The following TMPRSS3 variants were observed in gnomAD, a reference collection of about 807,000 sequenced individuals.
TMPRSS3 encodes the protein transmembrane protease serine 3.
Under a neutral mutation model 59.6 loss-of-function variants are expected in TMPRSS3, and 55 were observed. The ratio of observed to expected loss-of-function variants is 0.92; its 90% CI spans 0.74 to 1.16. The LOEUF (loss-of-function observed/expected upper bound fraction) is 1.16. Ranked by LOEUF, TMPRSS3 falls within the 50% of genes most tolerant of loss-of-function variation. TMPRSS3 has a pLI of 0.00. For synonymous variants in TMPRSS3, 257 were observed against 237.7 expected (o/e 1.08, Z -0.75); for missense variants, 596 against 579.4 (o/e 1.03, Z -0.29).
chr21:42,381,927 A>C, intron 9 of TMPRSS3, 138 bp downstream of exon 9: 1 of 1,124,176 alleles, frequency 8.9e-7, no homozygotes, highest in South Asian at 1.3e-5. Flanking sequence ...TGCCAACACC[A>C]ACATGAATCA....
chr21:42,375,916 C>G (rs200812944), intron 11 of TMPRSS3, 48 bp from the exon 12 acceptor site: 8 of 1,609,114 alleles, frequency 5.0e-6, no homozygotes, highest in Middle Eastern at 1.7e-4. Flanking sequence ...CACCGCCATG[C>G]GAGATTGCTT....
chr21:42,375,648 G>T, intron 12 of TMPRSS3, 68 bp downstream of exon 12: 1 of 1,601,166 alleles, frequency 6.2e-7, no homozygotes, highest in Non-Finnish European at 8.6e-7. Context: ...CAAGACCAGG[G>T]TTGCATTTAA....
At chr21:42,378,936 G>C in intron 10 of TMPRSS3, among the ~76,000 whole-genome samples, 1 of 152,068 alleles carries the variant, frequency 6.6e-6, no homozygotes, top group East Asian at 1.9e-4. Context: ...CCAAGCTGGA[G>C]TGGAGTGGCA....
In TMPRSS3 at chr21:42,388,114, T is replaced by G. The variant is rs2052665535; in HGVS notation, c.446+289A>C. Reference sequence around the variant, plus strand: ...AGGGTTTTTTGGTTTTGTTTTTGTTTTCTACTTTGAAACTTTTTATTGCAT... The same window carrying G: ...AGGGTTTTTTGGTTTTGTTTTTGTTGTCTACTTTGAAACTTTTTATTGCAT... On this transcript the variant is annotated intron_variant, in intron 5 of 12. Transcript: ENST00000644384. This position sits in a 1 kb window ranked among gnomAD's most constrained non-coding sequence, Gnocchi z 5.1. Among the ~76,000 whole-genome samples, 1 of 152,186 alleles carries G rather than the reference T, an allele frequency of 6.6e-6. No individual in the cohort carries two copies. The highest frequency in any genetic ancestry group is 1.5e-5 in the Non-Finnish European group (1 of 68,038).
intron 1 of TMPRSS3, 47 bp downstream of exon 1, chr21:42,395,895 G>A (rs767616003): frequency 2.0e-6 from 1 of 511,714 alleles, no homozygotes; most frequent in African/African-American, 1.9e-5. Context: ...TTCTTTCCCT[G>A]TGCGTGTGGT....
chr21:42,383,883 C>T (rs1260654379), intron 7 of TMPRSS3, 87 bp downstream of exon 7: 2 of 1,415,682 alleles, frequency 1.4e-6, no homozygotes, highest in African/African-American at 1.4e-5. Flanking sequence ...TACAGAGCCC[C>T]ATGGGGGGAG....
In TMPRSS3 at chr21:42,388,535, T is replaced by C. The variant is rs781683233; in HGVS notation, c.323-9A>G. On this transcript the variant is annotated splice_polypyrimidine_tract_variant and intron_variant, in intron 4 of 12. Transcript: ENST00000644384. The surrounding 1 kb of genome is among the most constrained non-coding windows in gnomAD (Gnocchi z 5.1). ...CTGACCACCCACCCGGACTGGCCGA[T>C]GTGCAGAAAGAAAGGCTTATTAGTG... The C allele has an allele frequency of 4.0e-5, 65 of 1,614,054 alleles. 1 individual carries two copies. In the Middle Eastern group the frequency reaches 9.9e-4, roughly 24 times the overall value.
intron 12 of TMPRSS3, among the ~76,000 whole-genome samples, chr21:42,375,051 C>T (rs1758085061): frequency 6.6e-6 from 1 of 152,048 alleles, no homozygotes; most frequent in Non-Finnish European, 1.5e-5. Flanking sequence ...ATGAGAAAGG[C>T]GCCGTGTTCA....
At chr21:42,377,773 C>T (rs2052455605) in intron 10 of TMPRSS3, among the ~76,000 whole-genome samples, 1 of 152,228 alleles carries the variant, frequency 6.6e-6, no homozygotes, top group African/African-American at 2.4e-5. Context: ...TCACAAGACA[C>T]TCAGCTTCCT....
intron 9 of TMPRSS3, 56 bp from the exon 10 acceptor site, chr21:42,380,268 C>T (rs1274260929): frequency 2.1e-6 from 3 of 1,428,702 alleles, no homozygotes; most frequent in African/African-American, 1.4e-5. Context: ...TCCGAGAAAA[C>T]AATCTCATCT....
intron 12 of TMPRSS3, among the ~76,000 whole-genome samples, chr21:42,374,703 T>C (rs563634929): frequency 4.9e-4 from 74 of 152,148 alleles, no homozygotes; most frequent in African/African-American, 1.7e-3. Context: ...TGCTACAGGG[T>C]TGTTCACTTT....
intron 3 of TMPRSS3, 121 bp from the exon 4 acceptor site, chr21:42,389,166 T>C (rs1049310251): frequency 1.3e-6 from 2 of 1,538,522 alleles, no homozygotes; most frequent in Admixed American, 1.9e-5. Flanking sequence ...GTATTGAAAT[T>C]GCGTCCCTGT....
intron 7 of TMPRSS3, 189 bp downstream of exon 7, chr21:42,383,781 C>G (rs745621723): frequency 2.8e-6 from 2 of 726,966 alleles, no homozygotes; most frequent in African/African-American, 3.5e-5. Flanking sequence ...CCCCACCTGA[C>G]AGGTGAGGCC....
At position 42,389,048 on chromosome 21, in the gene TMPRSS3, G is replaced by A. The variant is rs773616107; in HGVS notation, c.206-3C>T. 1 of 1,614,078 alleles carries A rather than the reference G, an allele frequency of 6.2e-7. No homozygotes were observed. The highest frequency in any genetic ancestry group is 8.5e-7 in the Non-Finnish European group (1 of 1,180,008). On this transcript the variant is annotated splice_region_variant and splice_polypyrimidine_tract_variant and intron_variant, in intron 3 of 12. Coordinates refer to ENST00000644384, the MANE Select transcript of TMPRSS3 (RefSeq NM_001256317.3). ...CTTCCCTGAGCAGTCGAAGTGGACTGGGAAAAGGGAGGAAGGCAGGAATTA... is the reference window on the plus strand; with the variant it reads ...CTTCCCTGAGCAGTCGAAGTGGACTAGGAAAAGGGAGGAAGGCAGGAATTA...
At chr21:42,378,727 G>GT (rs746887203) in intron 10 of TMPRSS3, among the ~76,000 whole-genome samples, 4 of 151,892 alleles carry the variant, frequency 2.6e-5, no homozygotes, top group Admixed American at 6.6e-5. Context: ...GTTTTGTTTT[G>GT]TTTTTTTAAA....
At chr21:42,377,530 C>T (rs1229702816) in intron 10 of TMPRSS3, among the ~76,000 whole-genome samples, 1 of 152,174 alleles carries the variant, frequency 6.6e-6, no homozygotes, top group Non-Finnish European at 1.5e-5. Flanking sequence ...GAGATGATAC[C>T]TTTCTGTCAT....
chr21:42,375,680 A>G, intron 12 of TMPRSS3, 36 bp downstream of exon 12: 1 of 1,613,530 alleles, frequency 6.2e-7, no homozygotes, highest in Non-Finnish European at 8.5e-7. Flanking sequence ...GTCAAAAGCC[A>G]GGGACAACGT....
chr21:42,376,762 G>A (rs1341973590), intron 10 of TMPRSS3, 79 bp from the exon 11 acceptor site: 5 of 1,605,280 alleles, frequency 3.1e-6, no homozygotes, highest in Non-Finnish European at 2.6e-6. Flanking sequence ...TGAGACCAGG[G>A]GGGTGAGGGA....
chr21:42,395,833 C>A, intron 1 of TMPRSS3, 109 bp downstream of exon 1: 1 of 436,738 alleles, frequency 2.3e-6, no homozygotes, highest in East Asian at 6.9e-5. Context: ...ACTCTCAAAG[C>A]CCTTTCCATT....
Sources: allele counts gnomAD v4.1 joint callset (sites outside exome capture counted in the v4.1 genomes callset), GRCh38; gene constraint gnomAD v4.1.1; non-coding constraint Gnocchi (gnomAD v3.1); transcripts MANE v1.5; gene names NCBI Gene and HGNC (gene_info 2026-07-23, HGNC 2026-07-21).